Variants in LRRC17 observed in about 807,000 individuals in gnomAD.
LRRC17 encodes leucine-rich repeat-containing protein 17.
A neutral mutation model predicts 41.5 loss-of-function variants in LRRC17; 33 were observed. The observed-to-expected ratio is 0.80, with a 90% CI of 0.60 to 1.06. LRRC17 has a LOEUF of 1.06. Among genes scored for constraint, LRRC17 ranks in the 50% least tolerant of loss-of-function variants. The pLI, the probability that LRRC17 is intolerant of heterozygous loss-of-function variation, is 0.00. For missense variants in LRRC17, 491 were observed against 519.3 expected (o/e 0.95, Z 0.53); for synonymous variants, 192 against 197.0 (o/e 0.97, Z 0.21).
At chr7:102,919,903 T>G (rs944921322) in intron 1 of LRRC17, among the ~76,000 whole-genome samples, 1 of 152,166 alleles carries the variant, frequency 6.6e-6, no homozygotes, top group Non-Finnish European at 1.5e-5. Flanking sequence ...AAAAAGACCA[T>G]CAATGAATGG....
intron 1 of LRRC17, among the ~76,000 whole-genome samples, chr7:102,916,326 C>G (rs1248604010): frequency 6.6e-6 from 1 of 152,146 alleles, no homozygotes; most frequent in Non-Finnish European, 1.5e-5. Flanking sequence ...ATTCATGGAG[C>G]TCCTGAATTC....
At chr7:102,939,966 C>T (rs1821077402) in intron 3 of LRRC17, among the ~76,000 whole-genome samples, 1 of 151,252 alleles carries the variant, frequency 6.6e-6, no homozygotes, top group Admixed American at 6.6e-5. Context: ...GTGATCTCGG[C>T]TCACTGCAAC....
chr7:102,929,663 C>CAAAAA (rs35025022), intron 1 of LRRC17, among the ~76,000 whole-genome samples: 3 of 91,404 alleles, frequency 3.3e-5, no homozygotes, highest in African/African-American at 9.5e-5. Context: ...GACTCCATCT[C>CAAAAA]AAAAAAAAAA....
intron 1 of LRRC17, among the ~76,000 whole-genome samples, chr7:102,916,217 C>G (rs1815839206): frequency 1.3e-5 from 2 of 152,014 alleles, no homozygotes; most frequent in South Asian, 4.2e-4. Flanking sequence ...AAACTCTTGA[C>G]CTCAGGTGAT....
intron 1 of LRRC17, chr7:102,931,904 C>CATTCA (rs1819246149): frequency 6.2e-7 from 1 of 1,613,512 alleles, no homozygotes; most frequent in Non-Finnish European, 8.5e-7. Flanking sequence ...CAGTCAGAGA[C>CATTCA]ATTCAACTCT....
At position 102,934,686 on chromosome 7, in the gene LRRC17, G is replaced by A; in HGVS notation, c.772+1G>A. Reference sequence around the variant, plus strand: ...CAAACACTGGACTGCAAAAGGAAAGGTTTGTACTTTTCTTACTTTTTCATT... The same window carrying A: ...CAAACACTGGACTGCAAAAGGAAAGATTTGTACTTTTCTTACTTTTTCATT... On this transcript the variant is annotated splice_donor_variant, in intron 2 of 3. Transcript: ENST00000339431. LOFTEE classifies it high-confidence loss of function. 1 of 1,573,684 alleles carries A rather than the reference G, an allele frequency of 6.4e-7. No individual in the cohort carries two copies. Among genetic ancestry groups the A allele is most frequent in the Non-Finnish European group, 8.6e-7 (1 of 1,166,300 alleles).
At position 102,934,290 on chromosome 7, in the gene LRRC17, T is replaced by C. The variant is rs752916887; in HGVS notation, c.377T>C (p.Phe126Ser). Residue 126 changes from phenylalanine to serine, a missense_variant, in exon 2 of 4, where the codon TTT (phenylalanine) becomes TCT (serine). Transcript: ENST00000339431. ...EISKIESEAF[F>S]GLNKLTTLLL... ...TCTAAAATTGAGAGTGAGGCGTTCT[T>C]TGGTTTAAACAAACTCACCACCCTC... is the stretch of plus-strand genomic sequence containing the variant. 1 of 1,614,126 alleles carries C rather than the reference T, an allele frequency of 6.2e-7. No homozygotes were observed. Among genetic ancestry groups the C allele is most frequent in the South Asian group, 1.1e-5 (1 of 91,072 alleles).
At chr7:102,944,187 C>T (rs1585068250) in intron 3 of LRRC17, 23 bp from the exon 4 acceptor site, 1 of 1,576,484 alleles carries the variant, frequency 6.3e-7, no homozygotes, top group Non-Finnish European at 8.6e-7. Context: ...TACTCAGGCT[C>T]AATAAATATT....
At chr7:102,914,698 G>A (rs1306996311) in intron 1 of LRRC17, among the ~76,000 whole-genome samples, 2 of 152,210 alleles carry the variant, frequency 1.3e-5, no homozygotes, top group African/African-American at 4.8e-5. Context: ...GGCTGTGTAC[G>A]TGAGATTCGA....
At chr7:102,914,815 C>T (rs1423235079) in intron 1 of LRRC17, among the ~76,000 whole-genome samples, 2 of 152,172 alleles carry the variant, frequency 1.3e-5, no homozygotes, top group African/African-American at 2.4e-5. Flanking sequence ...TTGGGGCTGT[C>T]GAGTGGACTG....
At chr7:102,925,138 C>T (rs888787720) in intron 1 of LRRC17, among the ~76,000 whole-genome samples, 1 of 152,194 alleles carries the variant, frequency 6.6e-6, no homozygotes, top group Admixed American at 6.5e-5. Context: ...CATGGTGGCT[C>T]ATGCCAGCAC....
At chr7:102,942,454 G>A in intron 3 of LRRC17, 1 of 848,986 alleles carries the variant, frequency 1.2e-6, no homozygotes, top group South Asian at 2.6e-5. Flanking sequence ...CTACTAGGGG[G>A]TTTTTACCTC....
intron 1 of LRRC17, among the ~76,000 whole-genome samples, chr7:102,916,569 C>T (rs144336619): frequency 7.2e-5 from 11 of 152,194 alleles, no homozygotes; most frequent in African/African-American, 1.2e-4. Context: ...CTGCTAGGGA[C>T]GGGAAAAGTG....
intron 2 of LRRC17, among the ~76,000 whole-genome samples, chr7:102,937,706 T>C (rs1014390454): frequency 6.6e-6 from 1 of 152,190 alleles, no homozygotes; most frequent in East Asian, 1.9e-4. Flanking sequence ...CACAGAGCCA[T>C]GTGCTTTAGA....
chr7:102,934,568 C>A lies in LRRC17; in HGVS notation c.655C>A (p.Gln219Lys). The A allele has an allele frequency of 6.2e-7, 1 of 1,613,978 alleles. No homozygotes were observed. Among genetic ancestry groups the A allele is most frequent in the Non-Finnish European group, 8.5e-7 (1 of 1,179,944 alleles). The change falls in exon 2 of 4, where the codon CAA becomes AAA. Residue 219 changes from glutamine to lysine, a missense_variant. Physicochemically the swap from Gln to Lys is moderately conservative, Grantham distance 53. Coordinates refer to ENST00000339431, the MANE Select transcript of LRRC17 (RefSeq NM_001031692.3). ...GTTGTGTAATGAAGAAGAAAAGGAA[C>A]AATTGGACCCGAAACCCCAAGTGTC... ...EQLCNEEEKEQLDPKPQVSGR... is the reference protein window; with the variant it reads ...EQLCNEEEKEKLDPKPQVSGR...
chr7:102,934,724 T>G (rs748325991), intron 2 of LRRC17, 39 bp downstream of exon 2: 36 of 1,497,244 alleles, frequency 2.4e-5, no homozygotes, highest in Non-Finnish European at 3.1e-5. Flanking sequence ...CATGAATAAC[T>G]TGAAATGCTC....
At chr7:102,913,914 G>C (rs1309894443) in intron 1 of LRRC17, among the ~76,000 whole-genome samples, 1 of 152,120 alleles carries the variant, frequency 6.6e-6, no homozygotes, top group Non-Finnish European at 1.5e-5. Context: ...AATCTCGCTG[G>C]AGTTGAAACA....
chr7:102,917,768 G>A (rs1041628072), intron 1 of LRRC17, among the ~76,000 whole-genome samples: 1 of 152,190 alleles, frequency 6.6e-6, no homozygotes, highest in African/African-American at 2.4e-5. Context: ...AGAACAGATT[G>A]AAGGGAGGAG....
intron 1 of LRRC17, among the ~76,000 whole-genome samples, chr7:102,926,085 G>A (rs1818073903): frequency 6.6e-6 from 1 of 152,152 alleles, no homozygotes; most frequent in Admixed American, 6.5e-5. Flanking sequence ...TCACAAAAAT[G>A]CTAGCCAAGG....
Sources: allele counts gnomAD v4.1 joint callset (sites outside exome capture counted in the v4.1 genomes callset), GRCh38; gene constraint gnomAD v4.1.1; transcripts MANE v1.5; gene names NCBI Gene and HGNC (gene_info 2026-07-23, HGNC 2026-07-21).